Variants in MRPL32 observed in about 807,000 individuals in gnomAD.
The protein encoded by MRPL32 is large ribosomal subunit protein bL32m.
A neutral mutation model predicts 21.7 loss-of-function variants in MRPL32; 14 were observed. The ratio of observed to expected loss-of-function variants is 0.64; its 90% CI spans 0.43 to 1.01. The LOEUF is 1.01. MRPL32 is among the 50% of genes least tolerant of loss of function. The pLI, the probability that MRPL32 is intolerant of heterozygous loss-of-function variation, is 0.00. For missense variants in MRPL32, 211 were observed against 235.9 expected (o/e 0.89, Z 0.69); for synonymous variants, 83 against 87.7 (o/e 0.95, Z 0.30).
chr7:42,937,469 A>G lies in MRPL32; in HGVS notation c.460A>G (p.Ile154Val), dbSNP rs747703522. ...QEGGPFKAPTIETVVLYTGET... is the reference protein window; with the variant it reads ...QEGGPFKAPTVETVVLYTGET... ...AGGGGGCCCTTTTAAGGCTCCCACC[A>G]TAGAGACTGTGGTGCTGTACACGGG... is the stretch of plus-strand genomic sequence containing the variant. The change falls in exon 3 of 3, where the codon ATA (isoleucine) becomes GTA (valine). Residue 154 changes from isoleucine (I) to valine (V), a missense_variant. By Grantham distance (29) the Ile-to-Val change is conservative. Transcript: ENST00000223324. 4.3e-6 allele frequency: 7 copies of G among 1,613,936 alleles called. No homozygotes were observed. Among genetic ancestry groups the G allele is most frequent in the African/African-American group, 2.7e-5 (2 of 74,888 alleles).
At chr7:42,936,075 A>G (rs1786417798) in intron 2 of MRPL32, 2 of 152,254 alleles carry the variant, frequency 1.3e-5, no homozygotes, top group South Asian at 4.1e-4. Context: ...GCAAAACCTT[A>G]GAACTTAAGC....
At chr7:42,932,596 C>T (rs1179316525) in intron 1 of MRPL32, 80 bp downstream of exon 1, 8 of 1,427,912 alleles carry the variant, frequency 5.6e-6, no homozygotes, top group Non-Finnish European at 6.5e-6. Flanking sequence ...TTACACAGTT[C>T]GCCCTCAGCC....
Position 42,937,824 on chromosome 7 carries a change from A to C in MRPL32, c.*248A>C, listed in dbSNP as rs2128676565. ...TTTAAGTAAACATAAAATTTCCAGA[A>C]CAAAAATAAAAAATTTAAAATTCAT... On this transcript the variant is annotated 3_prime_UTR_variant, in exon 3 of 3. Transcript: ENST00000223324. 1 of 323,754 alleles carries C rather than the reference A, an allele frequency of 3.1e-6. No homozygotes were observed. Among genetic ancestry groups the C allele is most frequent in the African/African-American group, 2.1e-5 (1 of 47,004 alleles). The allele number at this position is 323,754 out of a possible 1,614,324, so 20.1% of individuals were successfully genotyped here. A position where few individuals can be genotyped will look rare whatever the true frequency, so the allele number is the denominator to read the frequency against.
intron 2 of MRPL32, chr7:42,936,790 T>C (rs1786434522): frequency 1.2e-5 from 2 of 171,778 alleles, no homozygotes; most frequent in Admixed American, 1.1e-4. Context: ...TGTTCATTTT[T>C]AAAAAGAAAA....
chr7:42,937,315 T>C lies in MRPL32; in HGVS notation c.313-7T>C. ...GTTAAAATACGTTTTTGTTTATTGT[T>C]TTAAAGAACAACATAGACGTTTGTC... On this transcript the variant is annotated splice_region_variant and splice_polypyrimidine_tract_variant and intron_variant, in intron 2 of 2. Coordinates refer to ENST00000223324, the MANE Select transcript of MRPL32 (RefSeq NM_031903.3). 1 of 1,613,562 alleles carries C rather than the reference T, an allele frequency of 6.2e-7. No individual in the cohort carries two copies. The highest frequency in any genetic ancestry group is 1.1e-5 in the South Asian group (1 of 91,050).
Position 42,937,763 on chromosome 7 carries a change from A to T in MRPL32, c.*187A>T. 1 of 508,318 alleles carries T rather than the reference A, an allele frequency of 2.0e-6. No individual in the cohort carries two copies. The highest frequency in any genetic ancestry group is 4.2e-5 in the South Asian group (1 of 24,022). The allele number at this position is 508,318 out of a possible 1,614,324, so 31.5% of individuals were successfully genotyped here. On this transcript the variant is annotated 3_prime_UTR_variant, in exon 3 of 3. Transcript: ENST00000223324. ...AACTCCGAAAATTTTGTTTATCCAA[A>T]GGCTCAATGGATTATGTTTCTATTA... is the stretch of plus-strand genomic sequence containing the variant.
At chr7:42,935,426 G>T (rs1786408600) in intron 2 of MRPL32, 2 of 227,234 alleles carry the variant, frequency 8.8e-6, no homozygotes, top group Admixed American at 5.3e-5. Flanking sequence ...AGCTGTGTCA[G>T]TCTTGAGCTG....
Position 42,935,126 on chromosome 7 carries a change from T to C in MRPL32, c.302T>C (p.Ile101Thr), listed in dbSNP as rs1786405221. 6.2e-7 allele frequency: 1 copy of C among 1,610,904 alleles called. No individual in the cohort carries two copies. The highest frequency in any genetic ancestry group is 1.3e-5 in the African/African-American group (1 of 74,702). ...AGGAGAAGAAATCCGCAGAAGCTTA[T>C]TAAAGTTAAGGTAATGCATTGATTT... ...RCRRRNPQKL[I>T]KVKNNIDVCP... The change falls in exon 2 of 3, where the codon ATT becomes ACT. Residue 101 changes from isoleucine to threonine, a missense_variant. Ile to Thr is a moderately conservative substitution (Grantham distance 89, BLOSUM62 -1). Coordinates refer to ENST00000223324, the MANE Select transcript of MRPL32 (RefSeq NM_031903.3).
intron 2 of MRPL32, chr7:42,936,162 C>G (rs1786418718): frequency 6.6e-6 from 1 of 152,186 alleles, no homozygotes; most frequent in Admixed American, 6.5e-5. Flanking sequence ...TTAAGACTTA[C>G]AGTAATTCAT....
At chr7:42,935,345 A>G (rs1343144373) in intron 2 of MRPL32, 1 of 417,182 alleles carries the variant, frequency 2.4e-6, no homozygotes, top group Admixed American at 4.1e-5. Context: ...AAACACAGTC[A>G]AGGAAGGAGT....
intron 2 of MRPL32, 68 bp downstream of exon 2, chr7:42,935,204 C>A: frequency 7.6e-7 from 1 of 1,317,724 alleles, no homozygotes; most frequent in Non-Finnish European, 1.1e-6. Context: ...ATGGTAGATT[C>A]CTATAGCCTA....
intron 1 of MRPL32, among the ~76,000 whole-genome samples, chr7:42,934,671 A>G (rs1482802443): frequency 6.6e-6 from 1 of 152,210 alleles, no homozygotes; most frequent in African/African-American, 2.4e-5. Flanking sequence ...TTAGGTGCCT[A>G]TCAGAGTCCT....
intron 2 of MRPL32, chr7:42,936,456 T>C (rs1786423943): frequency 1.3e-5 from 2 of 152,296 alleles, no homozygotes; most frequent in South Asian, 4.1e-4. Flanking sequence ...GCAAGTAATA[T>C]ACAAGCCTCT....
chr7:42,937,046 CT>C (rs1562706753), intron 2 of MRPL32: 4 of 550,724 alleles, frequency 7.3e-6, no homozygotes, highest in Non-Finnish European at 6.4e-6. Flanking sequence ...ATGAGTATTT[CT>C]TTTTTCTTTT....
Position 42,932,418 on chromosome 7 carries a change from C to T in MRPL32, c.32C>T (p.Ser11Leu), listed in dbSNP as rs755480767. The T allele has an allele frequency of 7.4e-6, 12 of 1,611,612 alleles. No individual in the cohort carries two copies. In the South Asian group the frequency reaches 1.1e-4, roughly 15 times the overall value. The change falls in exon 1 of 3, where the codon TCG becomes TTG. Residue 11 changes from serine (S) to leucine (L), a missense_variant. Coordinates refer to ENST00000223324, the MANE Select transcript of MRPL32 (RefSeq NM_031903.3). Reference sequence around the variant, plus strand: ...CTGGCCATGCTGGTCTTGGTGGTTTCGCCGTGGTCTGCGGCCCGGGGAGTG... The same window carrying T: ...CTGGCCATGCTGGTCTTGGTGGTTTTGCCGTGGTCTGCGGCCCGGGGAGTG... MALAMLVLVV[S>L]PWSAARGVLR...
intron 2 of MRPL32, 72 bp downstream of exon 2, chr7:42,935,208 T>C (rs1786406253): frequency 3.9e-6 from 5 of 1,268,036 alleles, no homozygotes; most frequent in Admixed American, 4.5e-5. Context: ...TAGATTCCTA[T>C]AGCCTAGGAA....
chr7:42,935,025 G>T lies in MRPL32; in HGVS notation c.201G>T (p.Glu67Asp). ...EPANDTSGSK[E>D]NSSLLDSIFW... ...CAAATGATACCAGTGGAAGTAAAGA[G>T]AATTCCAGCCTTTTGGACAGTATCT... The change falls in exon 2 of 3, where the codon GAG (glutamate) becomes GAT (aspartate). Residue 67 changes from glutamate (E) to aspartate (D), a missense_variant. Glu to Asp is a conservative substitution (Grantham distance 45). Around this residue, in one of 2 missense-constraint regions of MRPL32, gnomAD observed 130 missense variants for 180.1 expected, o/e 0.72. Coordinates refer to ENST00000223324, the MANE Select transcript of MRPL32 (RefSeq NM_031903.3). 6.2e-7 allele frequency: 1 copy of T among 1,614,010 alleles called. No homozygotes were observed. The highest frequency in any genetic ancestry group is 1.1e-5 in the South Asian group (1 of 91,076).
At chr7:42,932,637 A>G (rs1786343369) in intron 1 of MRPL32, 121 bp downstream of exon 1, 2 of 1,129,748 alleles carry the variant, frequency 1.8e-6, no homozygotes, top group East Asian at 2.8e-5. Flanking sequence ...CATGTCGGGG[A>G]CGTAGTTCGT....
At chr7:42,934,893 T>C in intron 1 of MRPL32, 62 bp from the exon 2 acceptor site, 1 of 1,304,562 alleles carries the variant, frequency 7.7e-7, no homozygotes, top group East Asian at 2.4e-5. Flanking sequence ...GAAAATGATA[T>C]CTGTAAATAG....
Sources: gnomAD v4.1 joint callset for allele counts (sites outside exome capture counted in the v4.1 genomes callset) on GRCh38, gnomAD v4.1.1 for gene constraint, gnomAD v4.1.1 regional missense constraint, MANE v1.5 for transcripts, NCBI Gene and HGNC (gene_info 2026-07-23, HGNC 2026-07-21) for gene names.